Variants in SPATA21 observed in about 807,000 individuals in gnomAD.
SPATA21 encodes spermatogenesis-associated protein 21.
SPATA21 carries 47 observed loss-of-function variants against 54.8 expected under a neutral mutation model. That is an observed-to-expected ratio of 0.86 (90% CI 0.68 to 1.09). The LOEUF is 1.09. SPATA21 is among the 50% of genes least tolerant of loss of function. The pLI is 0.00. For missense variants in SPATA21, 599 were observed against 596.4 expected, an observed-to-expected ratio of 1.00 and a Z score of -0.05; for synonymous variants, 245 against 235.3, an observed-to-expected ratio of 1.04 and a Z score of -0.38.
intron 10 of SPATA21, among the ~76,000 whole-genome samples, chr1:16,401,423 G>A (rs901390882): frequency 6.6e-6 from 1 of 152,092 alleles, no homozygotes; most frequent in Non-Finnish European, 1.5e-5. Context: ...AGCCTCTTGA[G>A]TAGTTGGGAC....
intron 1 of SPATA21, among the ~76,000 whole-genome samples, chr1:16,433,560 C>T (rs978231519): frequency 6.6e-6 from 1 of 152,234 alleles, no homozygotes; most frequent in Non-Finnish European, 1.5e-5. Flanking sequence ...AAACACACCC[C>T]CTATTGTCCA....
At chr1:16,403,690 C>T (rs2085530263) in intron 10 of SPATA21, 37 bp downstream of exon 10, 1 of 1,574,852 alleles carries the variant, frequency 6.3e-7, no homozygotes, top group Non-Finnish European at 8.7e-7. Flanking sequence ...ACCTCTGTGT[C>T]CACAACCCTT....
Position 16,409,294 on chromosome 1 carries a change from G to T in SPATA21, c.588-91C>A. 21 of 1,415,600 alleles carry T rather than the reference G, an allele frequency of 1.5e-5. No homozygotes were observed. The highest frequency in any genetic ancestry group is 2.1e-5 in the Non-Finnish European group (21 of 1,016,258). 87.7% of individuals were successfully genotyped at this position (1,415,600 alleles called of 1,614,324 possible). A position where few individuals can be genotyped will look rare whatever the true frequency, so the allele number is the denominator to read the frequency against. ...GGGGTTGGGGGAGCCTGCAGGAGGA[G>T]GTCGTGGGGGAGGCTTTGGGGAGCC... On this transcript the variant is annotated intron_variant, in intron 6 of 12. Transcript: ENST00000335496. This position sits in a 1 kb window ranked among gnomAD's most constrained non-coding sequence, Gnocchi z 4.1.
intron 5 of SPATA21, chr1:16,410,739 G>T (rs1232096181): frequency 6.6e-6 from 2 of 304,434 alleles, no homozygotes; most frequent in South Asian, 2.5e-5. Flanking sequence ...TAGAGACAGG[G>T]TTTCACCATG....
intron 7 of SPATA21, among the ~76,000 whole-genome samples, chr1:16,406,141 A>ATTTTTTT (rs2085634003): frequency 6.6e-6 from 1 of 151,032 alleles, no homozygotes. Flanking sequence ...TTTTGGTGAG[A>ATTTTTTT]TGGAGTTTCA....
At chr1:16,398,040 T>C (rs1007766214), downstream of SPATA21, 34 of 893,062 alleles carry the variant, frequency 3.8e-5, no homozygotes, top group African/African-American at 6.0e-4. Context: ...TCTGCTGGTG[T>C]AGCGGGCAGC....
chr1:16,406,479 ACAC>A (rs1384770032), intron 7 of SPATA21, among the ~76,000 whole-genome samples: 3 of 152,222 alleles, frequency 2.0e-5, no homozygotes, highest in African/African-American at 7.2e-5. Flanking sequence ...GCGATGGCTT[ACAC>A]CATCTACCCA....
At chr1:16,411,647 G>A (rs532537805) in intron 5 of SPATA21, among the ~76,000 whole-genome samples, 56 of 152,044 alleles carry the variant, frequency 3.7e-4, no homozygotes, top group African/African-American at 9.4e-4. Context: ...AAAATTCGCC[G>A]GGTGTGGTGG....
rs868101046 is a variant in SPATA21 at position 16,424,695 on chromosome 1, C to T, written c.35-2724G>A. 5.2e-4 allele frequency among the ~76,000 whole-genome samples: 79 copies of T among 151,810 alleles called. 1 individual carries two copies. In the East Asian group the frequency reaches 8.2e-3, roughly 16 times the overall value. ...TCCCAAAGTGCTGGGATTACAAGCA[C>T]GAGCCACGGCGCCTGGCCTCTAATC... On this transcript the variant is annotated intron_variant, in intron 3 of 12. Transcript: ENST00000335496.
At chr1:16,406,080 G>C (rs1244829859) in intron 7 of SPATA21, among the ~76,000 whole-genome samples, 1 of 152,110 alleles carries the variant, frequency 6.6e-6, no homozygotes, top group Non-Finnish European at 1.5e-5. Flanking sequence ...ATATGGAATA[G>C]ACAGCAGAGT....
chr1:16,432,326 T>C (rs1290286285), intron 2 of SPATA21, among the ~76,000 whole-genome samples: 1 of 151,998 alleles, frequency 6.6e-6, no homozygotes, highest in Non-Finnish European at 1.5e-5. Context: ...TTCACCAGGT[T>C]GGCCACGCTG....
downstream of SPATA21, among the ~76,000 whole-genome samples, chr1:16,398,341 GCT>G (rs955778532): frequency 7.9e-5 from 12 of 152,044 alleles, no homozygotes; most frequent in Non-Finnish European, 1.2e-4. Context: ...GGGTCCTGGG[GCT>G]CTGTCGGGGG....
intron 1 of SPATA21, among the ~76,000 whole-genome samples, chr1:16,435,622 C>CTTT (rs565292770): frequency 6.9e-6 from 1 of 144,728 alleles, no homozygotes; most frequent in Non-Finnish European, 1.5e-5. Flanking sequence ...CGGCCCCCCC[C>CTTT]TTTTTTTTTT....
intron 5 of SPATA21, among the ~76,000 whole-genome samples, chr1:16,411,896 G>A (rs144877445): frequency 3.4e-4 from 52 of 151,406 alleles, no homozygotes; most frequent in African/African-American, 1.0e-3. Flanking sequence ...CCTTGAAAGC[G>A]TTGGCTGTCC....
rs1385748143 is a variant in SPATA21, at chr1:16,398,836, T to C, written c.1353-14A>G. On this transcript the variant is annotated splice_polypyrimidine_tract_variant and intron_variant, in intron 12 of 12. Transcript: ENST00000335496. ...GAGTTGTGTTCCCTGGGGAGAGGAG[T>C]AGGGCAGAAGGGTGGGAGACATGTG... is the stretch of plus-strand genomic sequence containing the variant. 2 of 1,611,062 alleles carry C rather than the reference T, an allele frequency of 1.2e-6. No individual in the cohort carries two copies. Among genetic ancestry groups the C allele is most frequent in the Non-Finnish European group, 1.7e-6 (2 of 1,178,736 alleles).
chr1:16,425,737 G>A, intron 3 of SPATA21: 1 of 1,546,306 alleles, frequency 6.5e-7, no homozygotes, highest in Non-Finnish European at 8.7e-7. Context: ...TCTTCCTGGG[G>A]AAAATAGACA....
chr1:16,410,079 T>C (rs747833941), intron 5 of SPATA21, 36 bp from the exon 6 acceptor site: 2 of 1,479,962 alleles, frequency 1.4e-6, no homozygotes, highest in South Asian at 2.7e-5. Context: ...AGGCCTCTAG[T>C]GGGCCAGAGT....
intron 11 of SPATA21, among the ~76,000 whole-genome samples, chr1:16,400,262 C>A (rs1037047331): frequency 1.5e-4 from 23 of 152,112 alleles, no homozygotes; most frequent in Non-Finnish European, 2.6e-4. Context: ...GGTGATCCGC[C>A]CACCTCGGCC....
At chr1:16,418,464 C>T (rs187081516) in intron 5 of SPATA21, among the ~76,000 whole-genome samples, 3,175 of 148,730 alleles carry the variant, frequency 0.021, 114 homozygotes, top group African/African-American at 0.073. Flanking sequence ...AGTAGAGAAG[C>T]GGTTTCACCT....
Sources: gnomAD v4.1 joint callset for allele counts (sites outside exome capture counted in the v4.1 genomes callset) on GRCh38, gnomAD v4.1.1 for gene constraint, Gnocchi (gnomAD v3.1) non-coding constraint, MANE v1.5 for transcripts, NCBI Gene and HGNC (gene_info 2026-07-23, HGNC 2026-07-21) for gene names.